BMPR2: variants seen among roughly 807,000 people sequenced by gnomAD.
BMPR2 encodes the protein bone morphogenetic protein receptor type-2.
In BMPR2, 29 loss-of-function variants were observed where a neutral mutation model predicts 100.8. That is an observed-to-expected ratio of 0.29 (90% confidence interval 0.21 to 0.39). The LOEUF (loss-of-function observed/expected upper bound fraction) is 0.39, where lower values mean the gene tolerates loss of function less well. BMPR2 is among the 10% of genes least tolerant of loss of function. The pLI, the probability that BMPR2 is intolerant of heterozygous loss-of-function variation, is 1.00. For missense variants in BMPR2, 1,011 were observed against 1,274.5 expected, an observed-to-expected ratio of 0.79 and a Z score of 3.15; for synonymous variants, 382 against 442.3, an observed-to-expected ratio of 0.86 and a Z score of 1.71.
intron 3 of BMPR2, chr2:202,505,340 G>T (rs1054278898): frequency 7.3e-6 from 1 of 136,292 alleles, no homozygotes; most frequent in Non-Finnish European, 1.5e-5. Flanking sequence ...CTTAGGAGCA[G>T]CTTTTTTTTT....
At chr2:202,402,738 C>T (rs1044642237) in intron 1 of BMPR2, among the ~76,000 whole-genome samples, 1 of 151,000 alleles carries the variant, frequency 6.6e-6, no homozygotes, top group Non-Finnish European at 1.5e-5. Flanking sequence ...ATGATCTTGG[C>T]TTGCTGCAAC....
intron 1 of BMPR2, among the ~76,000 whole-genome samples, chr2:202,411,941 A>G (rs916451728): frequency 1.3e-5 from 2 of 152,202 alleles, no homozygotes; most frequent in Non-Finnish European, 2.9e-5. Context: ...ATCCTGGACC[A>G]GCAAAAGGAC....
rs562087977 is a variant in BMPR2, at chr2:202,429,857, G to C, written c.77-34952G>C. On this transcript the variant is annotated intron_variant, in intron 1 of 12. Coordinates refer to ENST00000374580, the MANE Select transcript of BMPR2 (RefSeq NM_001204.7). ...GAACCCACTCACTGTCATGAGAACA[G>C]CATGGGGGAAACTGCACCATGATCC... Among the ~76,000 whole-genome samples the C allele has an allele frequency of 2.0e-5, 3 of 152,260 alleles. No individual in the cohort carries two copies. The South Asian group carries it at 6.2e-4, about 32-fold the overall frequency.
intron 1 of BMPR2, among the ~76,000 whole-genome samples, chr2:202,434,353 GT>G (rs1489921097): frequency 6.6e-6 from 1 of 150,604 alleles, no homozygotes; most frequent in East Asian, 1.9e-4. Context: ...CATGGCAACA[GT>G]TTTTTGGGAT....
intron 1 of BMPR2, among the ~76,000 whole-genome samples, chr2:202,463,554 A>G (rs1692262123): frequency 6.6e-6 from 1 of 152,222 alleles, no homozygotes; most frequent in Non-Finnish European, 1.5e-5. Context: ...AGAAGCCCCC[A>G]AGGAATATAT....
intron 5 of BMPR2, among the ~76,000 whole-genome samples, chr2:202,518,200 C>T (rs537885447): frequency 2.4e-4 from 34 of 141,686 alleles, no homozygotes; most frequent in Non-Finnish European, 3.8e-4. Context: ...TGCAGTGGCG[C>T]GGTCTCAGCT....
chr2:202,436,312 AGCCTGC>A lies in BMPR2; in HGVS notation c.77-28491_77-28486del, dbSNP rs142347366. 2.2e-3 allele frequency among the ~76,000 whole-genome samples: 325 copies of A among 150,502 alleles called. 31 individuals are homozygous for A. Among genetic ancestry groups the A allele is most frequent in the African/African-American group, 7.4e-3 (294 of 39,884 alleles). On this transcript the variant is annotated intron_variant, in intron 1 of 12. Coordinates refer to ENST00000374580, the MANE Select transcript of BMPR2 (RefSeq NM_001204.7). ...TACAAAAAAATTAGTTGGGCATGAT[AGCCTGC>A]GCCTGTGGTCCCAGCTACTTGGGGG...
chr2:202,473,986 TC>T (rs1692487486), intron 3 of BMPR2, among the ~76,000 whole-genome samples: 1 of 149,016 alleles, frequency 6.7e-6, no homozygotes, highest in Admixed American at 6.8e-5. Flanking sequence ...ACCCCTGTAG[TC>T]CCAGCTGTTC....
intron 4 of BMPR2, among the ~76,000 whole-genome samples, chr2:202,514,657 G>A (rs1687682236): frequency 2.0e-5 from 3 of 152,152 alleles, no homozygotes; most frequent in Non-Finnish European, 2.9e-5. Context: ...TTTAAAGTAA[G>A]TCATCATGGG....
intron 9 of BMPR2, among the ~76,000 whole-genome samples, chr2:202,535,493 C>T (rs1192303311): frequency 3.3e-5 from 5 of 150,944 alleles, no homozygotes; most frequent in Non-Finnish European, 3.0e-5. Context: ...GATGGGCGGC[C>T]GGGCAGAGAC....
At chr2:202,395,888 G>A (rs1690648001) in intron 1 of BMPR2, among the ~76,000 whole-genome samples, 1 of 152,100 alleles carries the variant, frequency 6.6e-6, no homozygotes, top group Non-Finnish European at 1.5e-5. Flanking sequence ...AGTGAGCTGA[G>A]ATTGCACCAT....
In BMPR2 at chr2:202,533,854, A is replaced by G. The variant is rs552533984; in HGVS notation, c.1276+1122A>G. Reference sequence around the variant, plus strand: ...AGGGAAAGAATACTCATTTAAGTGAATGTTTGTTTGAGGCTTACTTGAAAT... The same window carrying G: ...AGGGAAAGAATACTCATTTAAGTGAGTGTTTGTTTGAGGCTTACTTGAAAT... On this transcript the variant is annotated intron_variant, in intron 9 of 12. Transcript: ENST00000374580. 2.6e-5 allele frequency among the ~76,000 whole-genome samples: 4 copies of G among 152,254 alleles called. No individual in the cohort carries two copies. In the South Asian group the frequency reaches 8.3e-4, roughly 32 times the overall value.
At chr2:202,448,707 C>T (rs571889752) in intron 1 of BMPR2, among the ~76,000 whole-genome samples, 80 of 151,744 alleles carry the variant, frequency 5.3e-4, no homozygotes, top group African/African-American at 1.8e-3. Context: ...CCGCCTGCCT[C>T]GGCCTCCCAA....
At position 202,530,939 on chromosome 2, in the gene BMPR2, T is replaced by C. The variant is rs772501019; in HGVS notation, c.1113T>C (p.Asn371=). 1.9e-6 allele frequency: 3 copies of C among 1,614,066 alleles called. No homozygotes were observed. The East Asian group carries it at 6.7e-5, about 36-fold the overall frequency. Reference sequence around the variant, plus strand: ...TGGTGCGCCCAGGGGAGGAAGATAATGCAGCCATAAGCGAGGTGAGTGTAT... The same window carrying C: ...TGGTGCGCCCAGGGGAGGAAGATAACGCAGCCATAAGCGAGGTGAGTGTAT... The part of the protein sequence containing the change: ...NRLVRPGEED[N]AAISEVGTIR... The change falls in exon 8 of 13, where the codon AAT becomes AAC. Residue 371 remains asparagine (N), a synonymous_variant. Transcript: ENST00000374580.
At position 202,556,406 on chromosome 2, in the gene BMPR2, A is replaced by T. The variant is rs1214758885; in HGVS notation, c.2741A>T (p.Asp914Val). 6.2e-7 allele frequency: 1 copy of T among 1,614,178 alleles called. No homozygotes were observed. The highest frequency in any genetic ancestry group is 8.5e-7 in the Non-Finnish European group (1 of 1,180,040). The change falls in exon 12 of 13, where the codon GAT (aspartate) becomes GTT (valine). Residue 914 changes from aspartate to valine, a missense_variant. This residue lies in a region of BMPR2 where 508 missense variants were observed against 552.0 expected (regional missense o/e 0.92). Transcript: ENST00000374580. Reference sequence around the variant, plus strand: ...AACAGCAATCCATGTTCAGAACAAGATGTTCTTGCACAGGGTGTTCCAAGC... The same window carrying T: ...AACAGCAATCCATGTTCAGAACAAGTTGTTCTTGCACAGGGTGTTCCAAGC... ...NNNSNPCSEQ[D>V]VLAQGVPSTA...
chr2:202,437,692 C>A (rs546406117), intron 1 of BMPR2, among the ~76,000 whole-genome samples: 4 of 150,688 alleles, frequency 2.7e-5, no homozygotes, highest in Admixed American at 6.6e-5. Flanking sequence ...TAGACATATC[C>A]TGTAAGTTGA....
intron 9 of BMPR2, among the ~76,000 whole-genome samples, chr2:202,536,456 TGATTAGTA>T (rs1273228059): frequency 6.6e-6 from 1 of 152,082 alleles, no homozygotes; most frequent in Non-Finnish European, 1.5e-5. Context: ...AATAAATCAG[TGATTAGTA>T]GATTAAGTAC....
intron 3 of BMPR2, among the ~76,000 whole-genome samples, chr2:202,502,298 G>T (rs1003366527): frequency 6.6e-6 from 1 of 152,200 alleles, no homozygotes; most frequent in African/African-American, 2.4e-5. Flanking sequence ...CCATCAAAAT[G>T]GGAAGGAGAG....
intron 2 of BMPR2, among the ~76,000 whole-genome samples, chr2:202,466,332 G>A (rs1315636091): frequency 6.6e-6 from 1 of 151,984 alleles, no homozygotes; most frequent in African/African-American, 2.4e-5. Context: ...TGTTACCCAG[G>A]CTGGAGTGCA....
Sources: gnomAD v4.1 joint callset for allele counts (sites outside exome capture counted in the v4.1 genomes callset) on GRCh38, gnomAD v4.1.1 for gene constraint, gnomAD v4.1.1 regional missense constraint, MANE v1.5 for transcripts, NCBI Gene and HGNC (gene_info 2026-07-23, HGNC 2026-07-21) for gene names.